Variants in CLSTN2 observed in about 807,000 individuals in gnomAD.
CLSTN2 encodes the protein calsyntenin 2.
A neutral mutation model predicts 101.2 loss-of-function variants in CLSTN2; 48 were observed. That is an observed-to-expected ratio of 0.47 (90% CI 0.38 to 0.60). CLSTN2 has a LOEUF of 0.60. Among genes scored for constraint, CLSTN2 ranks in the 20% least tolerant of loss-of-function variants. The pLI is 0.00. For missense variants in CLSTN2, 1,160 were observed against 1,238.2 expected, an observed-to-expected ratio of 0.94 and a Z score of 0.95; for synonymous variants, 481 against 463.6, an observed-to-expected ratio of 1.04 and a Z score of -0.48.
rs185884274 is a variant in CLSTN2, at chr3:140,525,308, T to C, written c.1345-7016T>C. On this transcript the variant is annotated intron_variant, in intron 8 of 16. Coordinates refer to ENST00000458420, the MANE Select transcript of CLSTN2 (RefSeq NM_022131.3). ...AGCAAAAGATCCTCAGAGACCATTA[T>C]GAAAACCTCTCTGCATATAAACTAG... Among the ~76,000 whole-genome samples, 404 of 152,306 alleles carry C rather than the reference T, an allele frequency of 2.7e-3. 6 individuals are homozygous for C. Among genetic ancestry groups the C allele is most frequent in the African/African-American group, 9.1e-3 (379 of 41,582 alleles).
intron 6 of CLSTN2, among the ~76,000 whole-genome samples, chr3:140,451,342 A>G (rs1933246300): frequency 6.6e-6 from 1 of 152,208 alleles, no homozygotes; most frequent in Non-Finnish European, 1.5e-5. Flanking sequence ...AGCTCATTCC[A>G]TCTGTACTGC....
At chr3:140,495,481 T>C (rs139888687) in intron 8 of CLSTN2, among the ~76,000 whole-genome samples, 16 of 152,358 alleles carry the variant, frequency 1.1e-4, no homozygotes, top group African/African-American at 3.6e-4. Context: ...ATCCCATTTG[T>C]CAATTTTTGC....
intron 8 of CLSTN2, chr3:140,506,822 G>A (rs1934692520): frequency 6.6e-6 from 1 of 152,074 alleles, no homozygotes; most frequent in South Asian, 2.1e-4. Context: ...ATGATGGATT[G>A]GAAAGAGTAC....
intron 1 of CLSTN2, among the ~76,000 whole-genome samples, chr3:139,969,431 C>T (rs1329176593): frequency 6.6e-6 from 1 of 152,174 alleles, no homozygotes; most frequent in African/African-American, 2.4e-5. Flanking sequence ...TTGAGTGCCT[C>T]CCCTGTGCCA....
At chr3:140,139,898 A>G (rs114088805) in intron 1 of CLSTN2, among the ~76,000 whole-genome samples, 10,561 of 152,236 alleles carry the variant, frequency 0.069, 1,234 homozygotes, top group African/African-American at 0.24. Flanking sequence ...ACACTTCTTC[A>G]GTTCTATATC....
At chr3:140,114,310 T>C (rs939604016) in intron 1 of CLSTN2, among the ~76,000 whole-genome samples, 2 of 152,344 alleles carry the variant, frequency 1.3e-5, no homozygotes, top group Admixed American at 6.5e-5. Context: ...AAGAATGCTC[T>C]CTGTATTCCT....
intron 1 of CLSTN2, among the ~76,000 whole-genome samples, chr3:140,171,791 A>AATATATATAATATGTATTATATAAT (rs34903884): frequency 0.05 from 5,265 of 106,074 alleles, 200 homozygotes; most frequent in Middle Eastern, 0.06. Flanking sequence ...TATAATATAT[A>AATATATATAATATGTATTATATAAT]ATATATAATA....
At chr3:140,519,321 T>C (rs1201781639) in intron 8 of CLSTN2, among the ~76,000 whole-genome samples, 1 of 152,220 alleles carries the variant, frequency 6.6e-6, no homozygotes, top group African/African-American at 2.4e-5. Flanking sequence ...GAGAGTTCTG[T>C]AGATAGCTAT....
At chr3:140,364,738 T>C (rs2087765939) in intron 2 of CLSTN2, among the ~76,000 whole-genome samples, 1 of 152,166 alleles carries the variant, frequency 6.6e-6, no homozygotes, top group Admixed American at 6.5e-5. Context: ...AAATTTCACA[T>C]CATCGCTTAC....
intron 1 of CLSTN2, among the ~76,000 whole-genome samples, chr3:139,995,599 G>A (rs889406827): frequency 6.6e-6 from 1 of 152,152 alleles, no homozygotes; most frequent in Admixed American, 6.5e-5. Flanking sequence ...CATACGTTTT[G>A]TCCCAGGTGA....
chr3:140,313,210 A>G (rs2087191789), intron 2 of CLSTN2, among the ~76,000 whole-genome samples: 2 of 151,936 alleles, frequency 1.3e-5, no homozygotes, highest in Admixed American at 6.6e-5. Context: ...TCTTTATTGA[A>G]CCCCTCCCCA....
intron 1 of CLSTN2, among the ~76,000 whole-genome samples, chr3:140,049,656 C>G (rs1004203753): frequency 6.6e-6 from 1 of 152,026 alleles, no homozygotes; most frequent in African/African-American, 2.4e-5. Flanking sequence ...TCCTTTTGAC[C>G]ACGTTGCTTC....
At chr3:140,562,388 C>A in intron 13 of CLSTN2, 80 bp downstream of exon 13, 1 of 1,380,818 alleles carries the variant, frequency 7.2e-7, no homozygotes, top group Non-Finnish European at 9.9e-7. Context: ...AGTGAGATTG[C>A]ACCTGTGAAG....
At chr3:140,541,529 G>A (rs1356844292) in intron 9 of CLSTN2, among the ~76,000 whole-genome samples, 1 of 152,202 alleles carries the variant, frequency 6.6e-6, no homozygotes, top group Non-Finnish European at 1.5e-5. Flanking sequence ...CTAATGGTCT[G>A]TCAGAACTGG....
chr3:140,052,045 AGATCAATTGG>A (rs1419649375), intron 1 of CLSTN2, among the ~76,000 whole-genome samples: 1 of 152,258 alleles, frequency 6.6e-6, no homozygotes, highest in Non-Finnish European at 1.5e-5. Flanking sequence ...GACTTGTTTG[AGATCAATTGG>A]TCCAGAGTGG....
chr3:140,429,294 A>G (rs758485749), intron 5 of CLSTN2, among the ~76,000 whole-genome samples: 3 of 152,134 alleles, frequency 2.0e-5, no homozygotes, highest in Non-Finnish European at 2.9e-5. Context: ...CTCCGATTAT[A>G]GAAGGAGATG....
chr3:140,293,940 G>A (rs1480706626), intron 2 of CLSTN2, among the ~76,000 whole-genome samples: 2 of 152,182 alleles, frequency 1.3e-5, no homozygotes, highest in Non-Finnish European at 2.9e-5. Context: ...ATCAAAGACT[G>A]AGATGCAAAC....
rs1244519533 is a variant in CLSTN2 at position 140,383,373 on chromosome 3, TTGGCTGAGAGAA to T, written c.233-20255_233-20244del. On this transcript the variant is annotated intron_variant, in intron 2 of 16. Coordinates refer to ENST00000458420, the MANE Select transcript of CLSTN2 (RefSeq NM_022131.3). ...TCTAATATTCTGTGCTTGAGTTTGA[TTGGCTGAGAGAA>T]GGGCAAGTGAGGAAAGATTTAAGTG... Among the ~76,000 whole-genome samples the T allele has an allele frequency of 2.0e-5, 3 of 152,314 alleles. No individual in the cohort carries two copies. In the South Asian group the frequency reaches 6.2e-4, roughly 32 times the overall value.
intron 2 of CLSTN2, among the ~76,000 whole-genome samples, chr3:140,236,883 T>C (rs2086423071): frequency 6.7e-6 from 1 of 148,262 alleles, no homozygotes; most frequent in Admixed American, 6.8e-5. Flanking sequence ...TTCACTGTCT[T>C]ACCTTCTCAT....
Sources: gnomAD v4.1 joint callset for allele counts (sites outside exome capture counted in the v4.1 genomes callset) on GRCh38, gnomAD v4.1.1 for gene constraint, MANE v1.5 for transcripts, NCBI Gene and HGNC (gene_info 2026-07-23, HGNC 2026-07-21) for gene names.